Variants in RMND1 observed in about 807,000 individuals in gnomAD.
RMND1 encodes the protein required for meiotic nuclear division protein 1 homolog.
Under a neutral mutation model 54.0 loss-of-function variants are expected in RMND1, and 41 were observed. That is an observed-to-expected ratio of 0.76 (90% confidence interval 0.59 to 0.98). The LOEUF is 0.98. Ranked by LOEUF, RMND1 falls within the 50% of genes least tolerant of loss-of-function variation. RMND1 has a pLI of 0.00. For synonymous variants in RMND1, 183 were observed against 181.7 expected, an observed-to-expected ratio of 1.01 and a Z score of -0.06; for missense variants, 457 against 532.0, an observed-to-expected ratio of 0.86 and a Z score of 1.39.
At chr6:151,428,403 T>C (rs1216104997) in intron 5 of RMND1, among the ~76,000 whole-genome samples, 2 of 152,246 alleles carry the variant, frequency 1.3e-5, no homozygotes, top group African/African-American at 4.8e-5. Flanking sequence ...CCTAGGTGTG[T>C]CCTCCATGGG....
chr6:151,416,011 C>T (rs2114927326), intron 10 of RMND1, among the ~76,000 whole-genome samples: 1 of 152,096 alleles, frequency 6.6e-6, no homozygotes, highest in East Asian at 1.9e-4. Context: ...TGGAGTCTCG[C>T]TGCAACGCCC....
intron 10 of RMND1, among the ~76,000 whole-genome samples, chr6:151,415,399 C>A (rs1447799659): frequency 6.6e-6 from 1 of 150,784 alleles, no homozygotes; most frequent in Non-Finnish European, 1.5e-5. Context: ...GATGTAATAA[C>A]CAGAGCAACT....
At chr6:151,410,157 C>G (rs964709933) in intron 10 of RMND1, among the ~76,000 whole-genome samples, 1 of 151,894 alleles carries the variant, frequency 6.6e-6, no homozygotes, top group African/African-American at 2.4e-5. Context: ...CGGGTTCACG[C>G]CATTCTCCTG....
chr6:151,438,795 C>CTT (rs373421938), intron 2 of RMND1, among the ~76,000 whole-genome samples: 15,274 of 143,862 alleles, frequency 0.11, 819 homozygotes, highest in Middle Eastern at 0.18. Context: ...ATGTGTACTA[C>CTT]TTTTTTTTTT....
At position 151,452,047 on chromosome 6, in the gene RMND1, G is replaced by A. The variant is rs1445447092; in HGVS notation, c.-46C>T. The A allele has an allele frequency of 6.1e-6, 1 of 162,612 alleles. No homozygotes were observed. Among genetic ancestry groups the A allele is most frequent in the African/African-American group, 2.4e-5 (1 of 41,536 alleles). 10.1% of individuals were successfully genotyped at this position (162,612 alleles called of 1,614,324 possible). ...GCCGGAAGAGAAGAAGGAAGCGCCA[G>A]GGACGCACGCTTCCTCGGCAGGACT... On this transcript the variant is annotated 5_prime_UTR_variant, in exon 1 of 12. Coordinates refer to ENST00000444024, the MANE Select transcript of RMND1 (RefSeq NM_017909.4).
At chr6:151,434,142 G>T (rs546711933) in intron 3 of RMND1, among the ~76,000 whole-genome samples, 5 of 152,066 alleles carry the variant, frequency 3.3e-5, no homozygotes, top group Admixed American at 6.6e-5. Flanking sequence ...ACGGGGCCTG[G>T]CCTAAGTATT....
chr6:151,415,281 CTT>C (rs61504956), intron 10 of RMND1, among the ~76,000 whole-genome samples: 12 of 146,210 alleles, frequency 8.2e-5, no homozygotes, highest in Admixed American at 6.2e-4. Flanking sequence ...AATAAGAATT[CTT>C]TTTTTTTTTC....
At chr6:151,420,075 C>T (rs1780114622) in intron 9 of RMND1, among the ~76,000 whole-genome samples, 1 of 152,102 alleles carries the variant, frequency 6.6e-6, no homozygotes, top group African/African-American at 2.4e-5. Context: ...GGTAAGGAAA[C>T]AGGATAGTAA....
At chr6:151,443,484 G>A (rs1780849791) in intron 2 of RMND1, among the ~76,000 whole-genome samples, 1 of 152,016 alleles carries the variant, frequency 6.6e-6, no homozygotes, top group East Asian at 1.9e-4. Flanking sequence ...GCTAATTTTT[G>A]TATATTTGTA....
chr6:151,450,407 G>A (rs1781115818), intron 1 of RMND1, among the ~76,000 whole-genome samples: 1 of 144,308 alleles, frequency 6.9e-6, no homozygotes, highest in Non-Finnish European at 1.5e-5. Flanking sequence ...GGGAGGTGGG[G>A]GTCAGCCCCC....
At chr6:151,406,594 C>T (rs1294905550) in intron 10 of RMND1, among the ~76,000 whole-genome samples, 1 of 152,150 alleles carries the variant, frequency 6.6e-6, no homozygotes, top group Non-Finnish European at 1.5e-5. Context: ...TTGTGATCCG[C>T]CCGCCTCGGC....
rs554868742 is a variant in RMND1 at position 151,431,656 on chromosome 6, C to G, written c.690-1479G>C. 3.4e-4 allele frequency among the ~76,000 whole-genome samples: 51 copies of G among 152,098 alleles called. 1 individual carries two copies. The highest frequency in any genetic ancestry group is 1.2e-3 in the African/African-American group (50 of 41,522). ...TGGCTATTGAGTGCTTGAAACATGC[C>G]TGGTGCAAACTGAGATGCGCTGTAA... is the stretch of plus-strand genomic sequence containing the variant. On this transcript the variant is annotated intron_variant, in intron 4 of 11. Transcript: ENST00000444024.
chr6:151,445,429 G>C lies in RMND1; in HGVS notation c.383C>G (p.Ser128Ter). 1 of 1,614,168 alleles carries C rather than the reference G, an allele frequency of 6.2e-7. No individual in the cohort carries two copies. The highest frequency in any genetic ancestry group is 8.5e-7 in the Non-Finnish European group (1 of 1,180,000). The change falls in exon 2 of 12, where the codon TCA (serine) becomes TGA (stop). Residue 128 changes from serine to a stop codon, truncating the protein, a stop_gained. Transcript: ENST00000444024. LOFTEE classifies it high-confidence loss of function. Reference sequence around the variant, plus strand: ...AACAAATGTTTCCGTTGATACAGATGAGAAATGCCTCTTTAATATTTTTAT... The same window carrying C: ...AACAAATGTTTCCGTTGATACAGATCAGAAATGCCTCTTTAATATTTTTAT... Reference protein sequence around the residue: ...WFIKILKRHFSSVSTETFVPK... With the variant: ...WFIKILKRHF
Position 151,405,706 on chromosome 6 carries a change from C to A in RMND1, c.1317+14G>T. On this transcript the variant is annotated intron_variant, in intron 11 of 11. Coordinates refer to ENST00000444024, the MANE Select transcript of RMND1 (RefSeq NM_017909.4). Reference sequence around the variant, plus strand: ...GATGGTAACTGATCATAGTACAGAGCATTTCCATCTTACCTCTATGGTAAT... The same window carrying A: ...GATGGTAACTGATCATAGTACAGAGAATTTCCATCTTACCTCTATGGTAAT... The A allele has an allele frequency of 8.2e-7, 1 of 1,224,218 alleles. No homozygotes were observed. Among genetic ancestry groups the A allele is most frequent in the Non-Finnish European group, 1.2e-6 (1 of 825,314 alleles). The allele number at this position is 1,224,218 out of a possible 1,614,324, so 75.8% of individuals were successfully genotyped here. A position where few individuals can be genotyped will look rare whatever the true frequency, so the allele number is the denominator to read the frequency against.
intron 1 of RMND1, among the ~76,000 whole-genome samples, chr6:151,450,611 C>T (rs1481781028): frequency 1.3e-5 from 2 of 148,624 alleles, no homozygotes; most frequent in East Asian, 2.0e-4. Context: ...CCAGCCGCCC[C>T]GTCCGGGAGG....
intron 10 of RMND1, chr6:151,416,764 T>C (rs1780019742): frequency 6.6e-6 from 1 of 152,328 alleles, no homozygotes; most frequent in African/African-American, 2.4e-5. Context: ...ACGGAGCTAA[T>C]TGGATATCTT....
chr6:151,426,458 C>T (rs552620479), intron 6 of RMND1, among the ~76,000 whole-genome samples: 11 of 152,158 alleles, frequency 7.2e-5, no homozygotes, highest in Admixed American at 1.3e-4. Context: ...CCACTTCTTC[C>T]AGCACCCACA....
intron 9 of RMND1, among the ~76,000 whole-genome samples, chr6:151,419,237 G>C (rs1353534559): frequency 6.6e-6 from 1 of 151,598 alleles, no homozygotes. Context: ...GCTAATTTTT[G>C]TATTTTTGGT....
chr6:151,410,145 C>T (rs1562782529), intron 10 of RMND1, among the ~76,000 whole-genome samples: 2 of 151,768 alleles, frequency 1.3e-5, no homozygotes, highest in East Asian at 3.9e-4. Context: ...AGCTCTCCCT[C>T]CCGGGTTCAC....
Sources: gnomAD v4.1 joint callset for allele counts (sites outside exome capture counted in the v4.1 genomes callset) on GRCh38, gnomAD v4.1.1 for gene constraint, MANE v1.5 for transcripts, NCBI Gene and HGNC (gene_info 2026-07-23, HGNC 2026-07-21) for gene names.